FHIT: variants seen among roughly 807,000 people sequenced by gnomAD.
FHIT encodes the protein bis(5'-adenosyl)-triphosphatase.
FHIT carries 19 observed loss-of-function variants against 17.9 expected under a neutral mutation model. The observed-to-expected ratio is 1.06, with a 90% CI of 0.74 to 1.56. The LOEUF (loss-of-function observed/expected upper bound fraction) is 1.56. FHIT is among the 40% of genes most tolerant of loss of function. The pLI is 0.00. For missense variants in FHIT, 248 were observed against 189.2 expected, an observed-to-expected ratio of 1.31 and a Z score of -1.82; for synonymous variants, 81 against 69.7, an observed-to-expected ratio of 1.16 and a Z score of -0.81.
chr3:61,216,164 G>C lies in FHIT; in HGVS notation c.-212-15499C>G, dbSNP rs531001507. Among the ~76,000 whole-genome samples the C allele has an allele frequency of 2.0e-5, 3 of 152,282 alleles. No homozygotes were observed. In the East Asian group the frequency reaches 5.8e-4, roughly 29 times the overall value. Reference sequence around the variant, plus strand: ...AAATGGGATCTAATTAAACTCAAGAGCTTCTGCACAGCAAAAGAAACTACC... The same window carrying C: ...AAATGGGATCTAATTAAACTCAAGACCTTCTGCACAGCAAAAGAAACTACC... On this transcript the variant is annotated intron_variant, in intron 1 of 9. Coordinates refer to ENST00000492590, the MANE Select transcript of FHIT (RefSeq NM_002012.4).
At chr3:60,851,929 T>C (rs1381339958) in intron 3 of FHIT, among the ~76,000 whole-genome samples, 1 of 152,168 alleles carries the variant, frequency 6.6e-6, no homozygotes, top group Admixed American at 6.5e-5. Flanking sequence ...TCCACATTTC[T>C]ATAAGTGTCA....
At chr3:60,976,984 G>A (rs953730008) in intron 3 of FHIT, among the ~76,000 whole-genome samples, 6 of 152,024 alleles carry the variant, frequency 3.9e-5, no homozygotes, top group Non-Finnish European at 5.9e-5. Context: ...TGGAAAGTAA[G>A]CCCTGTAGGA....
At chr3:60,185,455 T>G (rs1189770799) in intron 5 of FHIT, among the ~76,000 whole-genome samples, 3 of 152,214 alleles carry the variant, frequency 2.0e-5, no homozygotes, top group Non-Finnish European at 2.9e-5. Context: ...TATAGTTCAT[T>G]CCTTTTTATT....
chr3:60,703,524 T>A (rs2041297271), intron 4 of FHIT, among the ~76,000 whole-genome samples: 1 of 152,220 alleles, frequency 6.6e-6, no homozygotes, highest in East Asian at 1.9e-4. Context: ...TTAAACATTT[T>A]ATCATGTTTT....
At chr3:60,384,236 C>A (rs1170291493) in intron 5 of FHIT, among the ~76,000 whole-genome samples, 2 of 150,848 alleles carry the variant, frequency 1.3e-5, no homozygotes, top group African/African-American at 4.9e-5. Context: ...CCACTGCACT[C>A]CAGCCTGGTG....
intron 5 of FHIT, among the ~76,000 whole-genome samples, chr3:60,429,321 G>T (rs141135393): frequency 6.6e-6 from 1 of 152,106 alleles, no homozygotes; most frequent in East Asian, 1.9e-4. Flanking sequence ...AAATGGTTAC[G>T]CTTTGGACAA....
At chr3:60,464,266 G>A (rs777446952) in intron 5 of FHIT, among the ~76,000 whole-genome samples, 1 of 151,934 alleles carries the variant, frequency 6.6e-6, no homozygotes, top group African/African-American at 2.4e-5. Flanking sequence ...TACATTTATG[G>A]GGTACAAGGG....
chr3:59,845,058 C>T (rs1701669638), intron 8 of FHIT, among the ~76,000 whole-genome samples: 1 of 152,064 alleles, frequency 6.6e-6, no homozygotes, highest in South Asian at 2.1e-4. Flanking sequence ...CCTGAACTAT[C>T]CAATGTGCTG....
chr3:61,095,042 C>T (rs1356202946), intron 2 of FHIT, among the ~76,000 whole-genome samples: 1 of 152,146 alleles, frequency 6.6e-6, no homozygotes, highest in Non-Finnish European at 1.5e-5. Context: ...TTAGATACTG[C>T]AATGGAAGTA....
chr3:60,221,363 T>C (rs1158502249), intron 5 of FHIT, among the ~76,000 whole-genome samples: 1 of 152,144 alleles, frequency 6.6e-6, no homozygotes, highest in African/African-American at 2.4e-5. Flanking sequence ...GGAAGGCCAG[T>C]GTCTCCCCAG....
intron 8 of FHIT, among the ~76,000 whole-genome samples, chr3:59,786,778 G>A (rs910598882): frequency 1.3e-5 from 2 of 152,216 alleles, no homozygotes; most frequent in Non-Finnish European, 2.9e-5. Context: ...TACTAATACA[G>A]TCTCCCCATG....
chr3:61,216,466 A>G (rs190011295), intron 1 of FHIT, among the ~76,000 whole-genome samples: 52 of 152,352 alleles, frequency 3.4e-4, no homozygotes, highest in Non-Finnish European at 6.3e-4. Context: ...ACCAGTTAGA[A>G]TGGCAATCAT....
At chr3:60,369,891 A>G (rs987430514) in intron 5 of FHIT, among the ~76,000 whole-genome samples, 2 of 152,242 alleles carry the variant, frequency 1.3e-5, no homozygotes, top group Non-Finnish European at 2.9e-5. Flanking sequence ...CATTAAACCA[A>G]TACAAAGACA....
chr3:59,944,999 T>A (rs761201929), intron 7 of FHIT, among the ~76,000 whole-genome samples: 1 of 152,194 alleles, frequency 6.6e-6, no homozygotes, highest in African/African-American at 2.4e-5. Context: ...TCTATGTATG[T>A]GTCTTTATGG....
chr3:60,118,328 G>A (rs925823682), intron 5 of FHIT, among the ~76,000 whole-genome samples: 1 of 144,074 alleles, frequency 6.9e-6, no homozygotes, highest in Admixed American at 7.0e-5. Context: ...GGATGGTCTT[G>A]AACTCCTGGC....
At chr3:60,706,222 A>G (rs1014442518) in intron 4 of FHIT, among the ~76,000 whole-genome samples, 1 of 145,576 alleles carries the variant, frequency 6.9e-6, no homozygotes, top group Non-Finnish European at 1.5e-5. Context: ...GGAGGGGAAC[A>G]TCACACATCG....
rs1205686306 is a variant in FHIT at position 59,976,418 on chromosome 3, C to G, written c.279+34953G>C. ...CAAAAAACACAAACAAACAAACAAA[C>G]AAATAACACCTCAAATAATTAAGTA... is the stretch of plus-strand genomic sequence containing the variant. On this transcript the variant is annotated intron_variant, in intron 7 of 9. Coordinates refer to ENST00000492590, the MANE Select transcript of FHIT (RefSeq NM_002012.4). Among the ~76,000 whole-genome samples the G allele has an allele frequency of 2.0e-5, 3 of 151,908 alleles. No homozygotes were observed. The East Asian group carries it at 5.8e-4, about 29-fold the overall frequency.
At chr3:60,362,134 TATAG>T (rs1699931577) in intron 5 of FHIT, among the ~76,000 whole-genome samples, 1 of 152,148 alleles carries the variant, frequency 6.6e-6, no homozygotes, top group African/African-American at 2.4e-5. Flanking sequence ...ATAGAATATA[TATAG>T]ATAGTGAAAT....
At chr3:59,822,441 G>A (rs1169209442) in intron 8 of FHIT, among the ~76,000 whole-genome samples, 1 of 151,894 alleles carries the variant, frequency 6.6e-6, no homozygotes, top group Non-Finnish European at 1.5e-5. Flanking sequence ...CCTTTTCACA[G>A]CATCCACGCC....
Sources: gnomAD v4.1 joint callset for allele counts (sites outside exome capture counted in the v4.1 genomes callset) on GRCh38, gnomAD v4.1.1 for gene constraint, MANE v1.5 for transcripts, NCBI Gene and HGNC (gene_info 2026-07-23, HGNC 2026-07-21) for gene names.